The following PPP1R2 variants were observed in gnomAD, a reference collection of about 807,000 sequenced individuals.
PPP1R2 encodes the protein protein phosphatase inhibitor 2.
In PPP1R2, 16 loss-of-function variants were observed where a neutral mutation model predicts 29.9. That is an observed-to-expected ratio of 0.53 (90% confidence interval 0.36 to 0.81). The LOEUF is 0.81. PPP1R2 is among the 30% of genes least tolerant of loss of function. The pLI, the probability that PPP1R2 is intolerant of heterozygous loss-of-function variation, is 0.00. For synonymous variants in PPP1R2, 76 were observed against 91.5 expected (o/e 0.83, Z 0.96); for missense variants, 197 against 252.7 (o/e 0.78, Z 1.49).
At chr3:195,537,857 A>T (rs955307105) in intron 1 of PPP1R2, among the ~76,000 whole-genome samples, 1 of 152,218 alleles carries the variant, frequency 6.6e-6, no homozygotes, top group Admixed American at 6.5e-5. Context: ...CATTTAAATA[A>T]CGGTATTACA....
chr3:195,532,216 T>TTTTTC (rs1553886647), intron 1 of PPP1R2, among the ~76,000 whole-genome samples: 6,822 of 28,292 alleles, frequency 0.24, 320 homozygotes, highest in East Asian at 0.54. Flanking sequence ...TTTCTTTTTC[T>TTTTTC]TTTTTTTTTT....
At chr3:195,531,190 C>T (rs940948404) in intron 1 of PPP1R2, among the ~76,000 whole-genome samples, 4 of 151,892 alleles carry the variant, frequency 2.6e-5, no homozygotes, top group Non-Finnish European at 5.9e-5. Flanking sequence ...TTAAGGTGCT[C>T]GATAATTAAA....
chr3:195,537,899 G>T (rs780122826), intron 1 of PPP1R2, among the ~76,000 whole-genome samples: 2 of 152,146 alleles, frequency 1.3e-5, no homozygotes, highest in Non-Finnish European at 2.9e-5. Context: ...GGAAATCTTC[G>T]AAAGTTAGTG....
At chr3:195,525,474 G>A (rs1417967975) in intron 2 of PPP1R2, among the ~76,000 whole-genome samples, 1 of 150,732 alleles carries the variant, frequency 6.6e-6, no homozygotes, top group East Asian at 2.0e-4. Flanking sequence ...TAAATGATCT[G>A]GAAAAAAAAA....
At chr3:195,524,566 A>G (rs1372529597) in intron 3 of PPP1R2, among the ~76,000 whole-genome samples, 1 of 152,186 alleles carries the variant, frequency 6.6e-6, no homozygotes, top group Non-Finnish European at 1.5e-5. Flanking sequence ...GACACATTTC[A>G]GTATCCCAAG....
Position 195,516,169 on chromosome 3 carries a change from T to A in PPP1R2, c.*727A>T, listed in dbSNP as rs1467690224. On this transcript the variant is annotated 3_prime_UTR_variant, in exon 6 of 6. Transcript: ENST00000618156. ...ATTTTTTTAAAAAACTGCTCTGAAGTCTGCCCAGTGTACCAAAAACATTAA... is the reference window on the plus strand; with the variant it reads ...ATTTTTTTAAAAAACTGCTCTGAAGACTGCCCAGTGTACCAAAAACATTAA... 3 of 152,530 alleles carry A rather than the reference T, an allele frequency of 2.0e-5. No homozygotes were observed. Among genetic ancestry groups the A allele is most frequent in the African/African-American group, 7.2e-5 (3 of 41,422 alleles). 9.4% of individuals were successfully genotyped at this position (152,530 alleles called of 1,614,324 possible). A position where few individuals can be genotyped will look rare whatever the true frequency, so the allele number is the denominator to read the frequency against.
intron 5 of PPP1R2, among the ~76,000 whole-genome samples, 174 bp from the exon 6 acceptor site, chr3:195,517,116 A>G (rs1718574968): frequency 6.6e-6 from 1 of 152,180 alleles, no homozygotes; most frequent in Non-Finnish European, 1.5e-5. Context: ...ACTCCCCTAA[A>G]TAGTCTAAAG....
chr3:195,535,320 C>G (rs1577581069), intron 1 of PPP1R2, among the ~76,000 whole-genome samples: 1 of 152,274 alleles, frequency 6.6e-6, no homozygotes, highest in East Asian at 1.9e-4. Context: ...GATCCTTGCT[C>G]TATGGAAAAG....
At chr3:195,538,546 CCT>C (rs1364765888) in intron 1 of PPP1R2, among the ~76,000 whole-genome samples, 11 of 152,090 alleles carry the variant, frequency 7.2e-5, no homozygotes, top group Non-Finnish European at 1.6e-4. Context: ...ACTCAGTAAA[CCT>C]CTGACTATAA....
At chr3:195,541,709 G>A (rs1002909566) in intron 1 of PPP1R2, among the ~76,000 whole-genome samples, 11 of 152,048 alleles carry the variant, frequency 7.2e-5, no homozygotes, top group African/African-American at 2.7e-4. Flanking sequence ...TCCATTTAAC[G>A]TGGCTTAGCC....
chr3:195,527,314 G>A (rs980194496), intron 2 of PPP1R2, among the ~76,000 whole-genome samples: 1 of 151,940 alleles, frequency 6.6e-6, no homozygotes, highest in South Asian at 2.1e-4. Context: ...GCCAGGCGTG[G>A]TAGTGGGTGC....
At chr3:195,537,676 T>G (rs1719447702) in intron 1 of PPP1R2, among the ~76,000 whole-genome samples, 1 of 146,584 alleles carries the variant, frequency 6.8e-6, no homozygotes, top group South Asian at 2.5e-4. Context: ...ATAACTTCAA[T>G]TTTTCCCAGT....
chr3:195,521,549 A>G (rs1159664010), intron 4 of PPP1R2, among the ~76,000 whole-genome samples: 1 of 151,880 alleles, frequency 6.6e-6, no homozygotes, highest in Non-Finnish European at 1.5e-5. Context: ...AGCAATTTTC[A>G]ATGTTTTTAA....
In PPP1R2 at chr3:195,542,960, A is replaced by G. The variant is rs1719655661; in HGVS notation, c.66T>C (p.Thr22=). Residue 22 remains threonine (T), a synonymous_variant, in exon 1 of 6, where the codon ACT becomes ACC. Transcript: ENST00000618156. ...GTTCGGCCGACGCCACCATAGAGGA[A>G]GTCGTAGAGGTCTTGTTCTTCAAGA... is the stretch of plus-strand genomic sequence containing the variant. The part of the protein sequence containing the change: ...KGILKNKTST[T]SSMVASAEQP... 3 of 1,603,664 alleles carry G rather than the reference A, an allele frequency of 1.9e-6. No individual in the cohort carries two copies. The highest frequency in any genetic ancestry group is 2.6e-6 in the Non-Finnish European group (3 of 1,175,022).
intron 5 of PPP1R2, among the ~76,000 whole-genome samples, chr3:195,517,353 C>A (rs964985007): frequency 1.1e-4 from 17 of 152,092 alleles, no homozygotes; most frequent in Non-Finnish European, 2.4e-4. Context: ...AGGAGACTGG[C>A]ACTGTCCCAA....
intron 1 of PPP1R2, among the ~76,000 whole-genome samples, chr3:195,537,508 T>TGTGTGTGTGTGTGTGTGTGTGTGTGTGC (rs1560444803): frequency 2.4e-4 from 36 of 147,040 alleles, no homozygotes; most frequent in African/African-American, 8.1e-4. Context: ...TGTGTGTGTG[T>TGTGTGTGTGTGTGTGTGTGTGTGTGTGC]GTGTGTGTGT....
At chr3:195,528,021 T>C in intron 2 of PPP1R2, 1 of 299,718 alleles carries the variant, frequency 3.3e-6, no homozygotes, top group Non-Finnish European at 6.5e-6. Flanking sequence ...CAATAGGTTT[T>C]TGGGAAACAA....
At position 195,529,862 on chromosome 3, in the gene PPP1R2, C is replaced by T. The variant is rs958412323; in HGVS notation, c.162G>A (p.Ala54=). The change falls in exon 2 of 6, where the codon GCG becomes GCA. Residue 54 remains alanine, a synonymous_variant. Coordinates refer to ENST00000618156, the MANE Select transcript of PPP1R2 (RefSeq NM_006241.8). ...AGTCTTTGTCTGCTGGATGATACGT[C>T]GCCAAGATGTTCATTTCATCCCACT... ...SQKWDEMNIL[A]TYHPADKDYG... 29 of 1,611,522 alleles carry T rather than the reference C, an allele frequency of 1.8e-5. No individual in the cohort carries two copies. The highest frequency in any genetic ancestry group is 5.3e-5 in the African/African-American group (4 of 74,834).
chr3:195,521,779 T>C (rs550830313), intron 4 of PPP1R2, among the ~76,000 whole-genome samples: 1 of 151,742 alleles, frequency 6.6e-6, no homozygotes, highest in African/African-American at 2.4e-5. Context: ...GCCTCCCGAG[T>C]AGCTGGGATT....
Sources: gnomAD v4.1 joint callset for allele counts (sites outside exome capture counted in the v4.1 genomes callset) on GRCh38, gnomAD v4.1.1 for gene constraint, MANE v1.5 for transcripts, NCBI Gene and HGNC (gene_info 2026-07-23, HGNC 2026-07-21) for gene names.